The following CCAR1 variants were observed in gnomAD, a reference collection of about 807,000 sequenced individuals.
CCAR1 encodes the protein cell division cycle and apoptosis regulator 1, also known as cell division cycle and apoptosis regulator protein 1.
A neutral mutation model predicts 163.8 loss-of-function variants in CCAR1; 78 were observed. The observed-to-expected ratio is 0.48, with a 90% CI of 0.40 to 0.57. The LOEUF is 0.57. Ranked by LOEUF, CCAR1 falls within the 20% of genes least tolerant of loss-of-function variation. The pLI is 0.00. For synonymous variants in CCAR1, 443 were observed against 460.7 expected (o/e 0.96, Z 0.49); for missense variants, 1,019 against 1,365.2 (o/e 0.75, Z 4.00).
chr10:68,787,852 TATATC>T (rs2056812955), intron 21 of CCAR1, 70 bp from the exon 22 acceptor site: 1 of 1,414,310 alleles, frequency 7.1e-7, no homozygotes, highest in Non-Finnish European at 9.7e-7. Context: ...AAGTGAAAAT[TATATC>T]ATAGTTTTTC....
At position 68,762,327 on chromosome 10, in the gene CCAR1, T is replaced by TA. The variant is rs11292489; in HGVS notation, c.2106+1146dup. Among the ~76,000 whole-genome samples the TA allele has an allele frequency of 6.0e-3, 877 of 146,426 alleles. 13 individuals carry two copies. The highest frequency in any genetic ancestry group is 0.02 in the African/African-American group (818 of 39,948). ...CTGGGCGACAGAGTGAGACTCTGTC[T>TA]AAAAAAAAAAACAAAACAAAAAACA... On this transcript the variant is annotated intron_variant, in intron 16 of 24. Transcript: ENST00000265872.
At chr10:68,780,051 C>G (rs966675560) in intron 19 of CCAR1, among the ~76,000 whole-genome samples, 5 of 152,094 alleles carry the variant, frequency 3.3e-5, no homozygotes, top group Admixed American at 2.6e-4. Flanking sequence ...TTGAATATTT[C>G]AAAAGTTATT....
At chr10:68,744,650 TG>T (rs1295062002) in intron 6 of CCAR1, among the ~76,000 whole-genome samples, 4 of 152,214 alleles carry the variant, frequency 2.6e-5, no homozygotes, top group African/African-American at 9.7e-5. Context: ...TTATCTTTTT[TG>T]CATTCATCAT....
At chr10:68,760,780 C>T (rs1214146750) in intron 15 of CCAR1, 2 of 277,830 alleles carry the variant, frequency 7.2e-6, no homozygotes, top group Non-Finnish European at 1.3e-5. Flanking sequence ...AGGAGAATTG[C>T]TTGAACCTGG....
chr10:68,786,561 C>G lies in CCAR1; in HGVS notation c.2749C>G (p.Gln917Glu). The G allele has an allele frequency of 6.4e-7, 1 of 1,563,520 alleles. No homozygotes were observed. ...ATTTTCTTAGGAAAAAGAAAAGACT[C>G]AAATGATCACAATTAACAGAGATCT... ...PSKDKEKEKT[Q>E]MITINRDLLM... Residue 917 changes from glutamine to glutamate, a missense_variant, in exon 21 of 25, where the codon CAA becomes GAA. Around this residue, in one of 4 missense-constraint regions of CCAR1, gnomAD observed 358 missense variants for 406.4 expected, o/e 0.88. Transcript: ENST00000265872.
chr10:68,781,036 A>G (rs1172100588), intron 19 of CCAR1, among the ~76,000 whole-genome samples: 1 of 151,974 alleles, frequency 6.6e-6, no homozygotes, highest in Non-Finnish European at 1.5e-5. Context: ...GTTTGAAACC[A>G]GCCTGGCCAA....
At chr10:68,748,363 G>A (rs531037757) in intron 8 of CCAR1, among the ~76,000 whole-genome samples, 27 of 151,778 alleles carry the variant, frequency 1.8e-4, no homozygotes, top group Non-Finnish European at 2.8e-4. Context: ...TCACGCCATC[G>A]CACTTCAGTC....
Position 68,754,703 on chromosome 10 carries a change from G to T in CCAR1, c.1345-11G>T. On this transcript the variant is annotated splice_polypyrimidine_tract_variant and intron_variant, in intron 11 of 24. Coordinates refer to ENST00000265872, the MANE Select transcript of CCAR1 (RefSeq NM_018237.4). Reference sequence around the variant, plus strand: ...GACTTTTGACAGGATTGAATTATTTGACTATAATAGGTAATGCTGATGGCT... The same window carrying T: ...GACTTTTGACAGGATTGAATTATTTTACTATAATAGGTAATGCTGATGGCT... The T allele has an allele frequency of 7.1e-7, 1 of 1,401,334 alleles. No homozygotes were observed. Among genetic ancestry groups the T allele is most frequent in the South Asian group, 1.2e-5 (1 of 83,508 alleles). 86.8% of individuals were successfully genotyped at this position (1,401,334 alleles called of 1,614,324 possible).
chr10:68,752,814 A>C (rs1012751572), intron 10 of CCAR1, among the ~76,000 whole-genome samples: 8 of 152,120 alleles, frequency 5.3e-5, no homozygotes, highest in Non-Finnish European at 1.2e-4. Flanking sequence ...GGTTATAGCA[A>C]GCTGTGAGTA....
rs763306419 is a variant in CCAR1, at chr10:68,756,514, C to T, written c.1836+31C>T. 32 of 1,533,420 alleles carry T rather than the reference C, an allele frequency of 2.1e-5. No individual in the cohort carries two copies. Among genetic ancestry groups the T allele is most frequent in the African/African-American group, 2.7e-5 (2 of 72,936 alleles). 95.0% of individuals were successfully genotyped at this position (1,533,420 alleles called of 1,614,324 possible). Reference sequence around the variant, plus strand: ...GAACGCTAATCCCTTTTTCTATTTCCGCTTCTCACAGGCACAGGAACACAG... The same window carrying T: ...GAACGCTAATCCCTTTTTCTATTTCTGCTTCTCACAGGCACAGGAACACAG... On this transcript the variant is annotated intron_variant, in intron 14 of 24. Transcript: ENST00000265872. The surrounding 1 kb of genome is among the most constrained non-coding windows in gnomAD (Gnocchi z 5.1).
At chr10:68,758,596 CACAT>C (rs1170489061) in intron 15 of CCAR1, among the ~76,000 whole-genome samples, 2 of 143,302 alleles carry the variant, frequency 1.4e-5, no homozygotes. Context: ...TATGTACACA[CACAT>C]ATATATACGT....
At chr10:68,743,547 T>G (rs923019862) in intron 6 of CCAR1, among the ~76,000 whole-genome samples, 2 of 151,786 alleles carry the variant, frequency 1.3e-5, no homozygotes, top group Admixed American at 6.6e-5. Flanking sequence ...CTACTTTCTT[T>G]TCTTTTTTCT....
rs1382420835 is a variant in CCAR1 at position 68,771,360 on chromosome 10, G to A, written c.2453G>A (p.Arg818Lys). 6.2e-7 allele frequency: 1 copy of A among 1,601,208 alleles called. No homozygotes were observed. The highest frequency in any genetic ancestry group is 1.1e-5 in the South Asian group (1 of 88,818). ...KDERKDKKEE[R>K]DDETDEPKPK... The stretch of plus-strand genomic sequence containing the variant: ...GAGAGAAAAGATAAAAAAGAAGAAA[G>A]AGATGATGAAACTGATGAACCAAAA... The change falls in exon 18 of 25, where the codon AGA (arginine) becomes AAA (lysine). Residue 818 changes from arginine (R) to lysine (K), a missense_variant. This residue lies in a region of CCAR1 where 358 missense variants were observed against 406.4 expected (regional missense o/e 0.88). Coordinates refer to ENST00000265872, the MANE Select transcript of CCAR1 (RefSeq NM_018237.4).
At chr10:68,777,667 G>C (rs1564550394) in intron 19 of CCAR1, among the ~76,000 whole-genome samples, 1 of 148,944 alleles carries the variant, frequency 6.7e-6, no homozygotes, top group Non-Finnish European at 1.5e-5. Flanking sequence ...CTGGGTGACA[G>C]AGCAAGACTC....
rs551313191 is a variant in CCAR1, at chr10:68,752,008, C to T, written c.1119-1844C>T. 2.7e-5 allele frequency among the ~76,000 whole-genome samples: 4 copies of T among 150,076 alleles called. No homozygotes were observed. The South Asian group carries it at 8.6e-4, about 32-fold the overall frequency. Reference sequence around the variant, plus strand: ...CTCGGCCCACTGCAAGCTTTGCCTCCCGGGTTCACGCCATTCTCCTGCCTC... The same window carrying T: ...CTCGGCCCACTGCAAGCTTTGCCTCTCGGGTTCACGCCATTCTCCTGCCTC... On this transcript the variant is annotated intron_variant, in intron 10 of 24. Transcript: ENST00000265872.
Position 68,754,823 on chromosome 10 carries a change from T to C in CCAR1, c.1454T>C (p.Val485Ala). 6.4e-7 allele frequency: 1 copy of C among 1,562,626 alleles called. No individual in the cohort carries two copies. Residue 485 changes from valine (V) to alanine (A), a missense_variant, in exon 12 of 25, where the codon GTT becomes GCT. Val to Ala is a moderately conservative substitution (Grantham distance 64). Transcript: ENST00000265872. ...RDGFQHPARL[V>A]KFLVGMKGKD... is the part of the protein sequence containing the mutation. ...GGATTCCAACATCCTGCTAGACTTG[T>C]TAAGGTAAAAGGACACATTTGTTTT...
Position 68,786,641 on chromosome 10 carries a change from G to C in CCAR1, c.2829G>C (p.Lys943Asn). 1 of 1,604,960 alleles carries C rather than the reference G, an allele frequency of 6.2e-7. No homozygotes were observed. The highest frequency in any genetic ancestry group is 1.3e-5 in the African/African-American group (1 of 74,500). ...GTCATTGTGGTTACCTTCTTGAAAA[G>C]GATTTGGAAGAAATACTTTATACTC... The part of the protein sequence containing the change: ...DQSHCGYLLE[K>N]DLEEILYTLG... The change falls in exon 21 of 25, where the codon AAG becomes AAC. Residue 943 changes from lysine to asparagine, a missense_variant. Around this residue, in one of 4 missense-constraint regions of CCAR1, gnomAD observed 358 missense variants for 406.4 expected, o/e 0.88. Transcript: ENST00000265872.
chr10:68,764,671 A>G (rs761962989), intron 16 of CCAR1, among the ~76,000 whole-genome samples: 1 of 152,218 alleles, frequency 6.6e-6, no homozygotes, highest in Non-Finnish European at 1.5e-5. Context: ...GGCCACTTCT[A>G]TTAGAGAAGC....
chr10:68,775,682 CTTTTCTTTTTTTTTT>C (rs1041422720), intron 19 of CCAR1, among the ~76,000 whole-genome samples: 2 of 47,606 alleles, frequency 4.2e-5, no homozygotes, highest in South Asian at 6.0e-4. Context: ...GCTAATTTTT[CTTTTCTTTTTTTTTT>C]TTTTTTTTTT....
Sources: gnomAD v4.1 joint callset for allele counts (sites outside exome capture counted in the v4.1 genomes callset) on GRCh38, gnomAD v4.1.1 for gene constraint, gnomAD v4.1.1 regional missense constraint, Gnocchi (gnomAD v3.1) non-coding constraint, MANE v1.5 for transcripts, NCBI Gene and HGNC (gene_info 2026-07-23, HGNC 2026-07-21) for gene names.